ST7L: variants seen among roughly 807,000 people sequenced by gnomAD.
ST7L encodes the protein suppression of tumorigenicity 7 like.
A neutral mutation model predicts 72.5 loss-of-function variants in ST7L; 57 were observed. The ratio of observed to expected loss-of-function variants is 0.79; its 90% CI spans 0.64 to 0.98. The LOEUF (loss-of-function observed/expected upper bound fraction) is 0.98, where lower values mean the gene tolerates loss of function less well. Among genes scored for constraint, ST7L ranks in the 50% least tolerant of loss-of-function variants. The probability of loss-of-function intolerance (pLI) is 0.00; values close to 1 mark genes in which losing one functional copy is unlikely to be tolerated. For missense variants in ST7L, 576 were observed against 672.2 expected (o/e 0.86, Z 1.58); for synonymous variants, 221 against 240.9 (o/e 0.92, Z 0.77).
chr1:112,593,154 C>T (rs180969746), intron 5 of ST7L, among the ~76,000 whole-genome samples: 2 of 152,156 alleles, frequency 1.3e-5, no homozygotes, highest in African/African-American at 2.4e-5. Flanking sequence ...ATCTAATTCA[C>T]CTTTAAATAT....
intron 11 of ST7L, among the ~76,000 whole-genome samples, chr1:112,571,587 TGGCTAATTTTGTATTTTTA>T: frequency 6.6e-6 from 1 of 152,122 alleles, no homozygotes; most frequent in African/African-American, 2.4e-5. Context: ...CCACCAGGCC[TGGCTAATTTTGTATTTTTA>T]GTAGAGATGG....
chr1:112,610,933 T>G lies in ST7L; in HGVS notation c.359A>C (p.Gln120Pro). The G allele has an allele frequency of 6.2e-7, 1 of 1,614,266 alleles. No homozygotes were observed. Among genetic ancestry groups the G allele is most frequent in the Non-Finnish European group, 8.5e-7 (1 of 1,180,044 alleles). The change falls in exon 3 of 15, where the codon CAA (glutamine) becomes CCA (proline). Residue 120 changes from glutamine to proline, a missense_variant. Gln to Pro is a moderately conservative substitution (Grantham distance 76, BLOSUM62 -1). Transcript: ENST00000358039. ...FIEQVSVSHL[Q>P]PLMGGTESSI... ...GCTCTCTGTTCCTCCCATCAGTGGTTGCAAATGGCTTACAGATACTTGCTC... is the reference window on the plus strand; with the variant it reads ...GCTCTCTGTTCCTCCCATCAGTGGTGGCAAATGGCTTACAGATACTTGCTC...
chr1:112,553,535 A>C (rs935461547), intron 12 of ST7L, among the ~76,000 whole-genome samples: 9 of 152,226 alleles, frequency 5.9e-5, no homozygotes, highest in Non-Finnish European at 1.2e-4. Flanking sequence ...TTTAGCAGCA[A>C]TTTGGAAAAA....
upstream of ST7L, chr1:112,619,155 G>C: frequency 3.1e-6 from 5 of 1,591,572 alleles, no homozygotes; most frequent in Non-Finnish European, 4.3e-6. Context: ...AGGGGAGAAG[G>C]ACAGGAAACC....
chr1:112,526,986 G>GCAGA (rs1653550942), intron 14 of ST7L: 1 of 152,172 alleles, frequency 6.6e-6, no homozygotes, highest in Non-Finnish European at 1.5e-5. Flanking sequence ...ATGAGATGAG[G>GCAGA]CAGACAGCAG....
chr1:112,597,932 A>T, intron 5 of ST7L, 39 bp downstream of exon 5: 1 of 1,455,484 alleles, frequency 6.9e-7, no homozygotes, highest in Non-Finnish European at 9.4e-7. Flanking sequence ...GATGATCTTC[A>T]TGATCACTGT....
At chr1:112,562,140 A>AT (rs1660276840) in intron 11 of ST7L, among the ~76,000 whole-genome samples, 5 of 151,032 alleles carry the variant, frequency 3.3e-5, no homozygotes, top group Admixed American at 2.0e-4. Context: ...TAGCTTTTTA[A>AT]TTTTTTTTGT....
chr1:112,549,483 C>A (rs893703317), intron 13 of ST7L, among the ~76,000 whole-genome samples: 1 of 152,040 alleles, frequency 6.6e-6, no homozygotes, highest in Non-Finnish European at 1.5e-5. Flanking sequence ...TTTCTCTCAG[C>A]TATATTTTAG....
At chr1:112,520,302 T>A (rs1652799201), downstream of ST7L, 1 of 1,614,002 alleles carries the variant, frequency 6.2e-7, no homozygotes, top group South Asian at 1.1e-5. Context: ...CTGCAGGCCG[T>A]GTCTGCAGCA....
rs1378723346 is a variant in ST7L, at chr1:112,562,664, G to A, written c.1246-6646C>T. ...AGGGAACAGTGACAATGAACATAAT[G>A]AGCAAAGCAGAACTGGCAAAGAGTA... On this transcript the variant is annotated intron_variant, in intron 11 of 14. Transcript: ENST00000358039. Among the ~76,000 whole-genome samples the A allele has an allele frequency of 2.0e-5, 3 of 152,240 alleles. No homozygotes were observed. In the East Asian group the frequency reaches 5.8e-4, roughly 29 times the overall value.
chr1:112,614,930 A>C (rs950792529), intron 2 of ST7L, among the ~76,000 whole-genome samples: 6 of 152,220 alleles, frequency 3.9e-5, no homozygotes, highest in Admixed American at 6.5e-5. Flanking sequence ...GTGAATTATA[A>C]AAAATATTTT....
chr1:112,617,715 TCTCACACACACACACACACACACACA>T (rs1416398680), intron 1 of ST7L, among the ~76,000 whole-genome samples: 1 of 123,054 alleles, frequency 8.1e-6, no homozygotes, highest in African/African-American at 3.2e-5. Context: ...TCTTTCTCTC[TCTCACACACACACACACACACACACA>T]CACACACACA....
intron 11 of ST7L, among the ~76,000 whole-genome samples, chr1:112,557,581 G>A (rs1659416402): frequency 6.6e-6 from 1 of 152,218 alleles, no homozygotes. Flanking sequence ...ATGAACATAT[G>A]TTTTTGTTTC....
At chr1:112,534,840 G>C (rs1654927807) in intron 14 of ST7L, among the ~76,000 whole-genome samples, 1 of 152,092 alleles carries the variant, frequency 6.6e-6, no homozygotes. Context: ...TGTCCCAAGC[G>C]CTAATGATTA....
In ST7L at chr1:112,616,892, G is replaced by T. The variant is rs139623281; in HGVS notation, c.209C>A (p.Thr70Asn). 1.3e-6 allele frequency: 2 copies of T among 1,598,538 alleles called. No homozygotes were observed. Among genetic ancestry groups the T allele is most frequent in the African/African-American group, 2.7e-5 (2 of 74,084 alleles). Reference sequence around the variant, plus strand: ...GGGTGTCAATGAATTTAAAAATACAGTCACTGTCAAAAGAACAAGAATCAA... The same window carrying T: ...GGGTGTCAATGAATTTAAAAATACATTCACTGTCAAAAGAACAAGAATCAA... ...LRLCENLAAVTVFLNSLTPKF... is the reference protein window; with the variant it reads ...LRLCENLAAVNVFLNSLTPKF... The change falls in exon 2 of 15, where the codon ACT becomes AAT. Residue 70 changes from threonine to asparagine, a missense_variant. This residue lies in a region of ST7L where 511 missense variants were observed against 600.7 expected (regional missense o/e 0.85). Transcript: ENST00000358039.
chr1:112,518,631 T>C (rs1297746561), downstream of ST7L, among the ~76,000 whole-genome samples: 1 of 152,174 alleles, frequency 6.6e-6, no homozygotes, highest in Non-Finnish European at 1.5e-5. Flanking sequence ...CTAGAAATAA[T>C]TCCATAACAT....
At chr1:112,613,141 G>A (rs966419124) in intron 2 of ST7L, among the ~76,000 whole-genome samples, 3 of 151,670 alleles carry the variant, frequency 2.0e-5, no homozygotes, top group Admixed American at 2.0e-4. Flanking sequence ...GAGAAGATAA[G>A]TACCATCAAG....
chr1:112,587,327 C>A (rs1044153249), intron 6 of ST7L, among the ~76,000 whole-genome samples: 3 of 152,198 alleles, frequency 2.0e-5, no homozygotes, highest in Admixed American at 6.5e-5. Context: ...CATGGCCAGG[C>A]GTGGTGGCTC....
In ST7L at chr1:112,582,104, C is replaced by T; in HGVS notation, c.957G>A (p.Leu319=). Residue 319 remains leucine, a splice_region_variant and synonymous_variant, in exon 9 of 15, where the codon TTG becomes TTA. Transcript: ENST00000358039. ...TGGTAAGAGGAGGAAATTCTTTCAT[C>T]AACTGTATATTAAAAGGAAAAGAAA... ...IREAVKIMRD[L]MKEFPPLTML... 1 of 1,583,924 alleles carries T rather than the reference C, an allele frequency of 6.3e-7. No individual in the cohort carries two copies.
Sources: gnomAD v4.1 joint callset for allele counts (sites outside exome capture counted in the v4.1 genomes callset) on GRCh38, gnomAD v4.1.1 for gene constraint, gnomAD v4.1.1 regional missense constraint, MANE v1.5 for transcripts, NCBI Gene and HGNC (gene_info 2026-07-23, HGNC 2026-07-21) for gene names.